The following TMEM135 variants were observed in gnomAD, a reference collection of about 807,000 sequenced individuals.
TMEM135 encodes the protein peroxisomal membrane protein 52.
TMEM135 carries 30 observed loss-of-function variants against 60.3 expected under a neutral mutation model. The ratio of observed to expected loss-of-function variants is 0.50; its 90% CI spans 0.37 to 0.68. The LOEUF (loss-of-function observed/expected upper bound fraction) is 0.68, where lower values mean the gene tolerates loss of function less well. TMEM135 is among the 30% of genes least tolerant of loss of function. The pLI, the probability that TMEM135 is intolerant of heterozygous loss-of-function variation, is 0.00. For missense variants in TMEM135, 468 were observed against 548.8 expected (o/e 0.85, Z 1.47); for synonymous variants, 190 against 186.7 (o/e 1.02, Z -0.14).
chr11:87,043,738 C>CAA (rs569467886), intron 1 of TMEM135, among the ~76,000 whole-genome samples: 15 of 151,206 alleles, frequency 9.9e-5, no homozygotes, highest in Admixed American at 6.6e-4. Flanking sequence ...AACAAACAAA[C>CAA]AAACAAAAAA....
intron 6 of TMEM135, among the ~76,000 whole-genome samples, chr11:87,260,945 TA>T (rs1189440144): frequency 6.6e-6 from 1 of 152,176 alleles, no homozygotes; most frequent in Non-Finnish European, 1.5e-5. Context: ...CAGGCGATGC[TA>T]GTTCTGGTCC....
chr11:87,209,166 A>C (rs1296725511), intron 5 of TMEM135, among the ~76,000 whole-genome samples: 2 of 152,206 alleles, frequency 1.3e-5, no homozygotes, highest in African/African-American at 4.8e-5. Context: ...CAACCAGCTA[A>C]CAGCACAATG....
intron 5 of TMEM135, among the ~76,000 whole-genome samples, chr11:87,226,004 A>G (rs1940757811): frequency 6.6e-6 from 1 of 152,096 alleles, no homozygotes; most frequent in East Asian, 1.9e-4. Flanking sequence ...ATCCATCTTT[A>G]AACTCTCCCA....
intron 6 of TMEM135, among the ~76,000 whole-genome samples, chr11:87,239,533 T>C (rs1158945972): frequency 6.6e-6 from 1 of 152,042 alleles, no homozygotes; most frequent in Non-Finnish European, 1.5e-5. Context: ...ACACATTTAT[T>C]TCATTTATTA....
intron 5 of TMEM135, among the ~76,000 whole-genome samples, chr11:87,231,722 G>T (rs1487230191): frequency 6.6e-6 from 1 of 151,918 alleles, no homozygotes; most frequent in Non-Finnish European, 1.5e-5. Context: ...AGCAGGCAAA[G>T]ACATTAAAAA....
intron 5 of TMEM135, among the ~76,000 whole-genome samples, chr11:87,184,075 AT>A (rs1419163939): frequency 7.9e-5 from 12 of 151,632 alleles, no homozygotes; most frequent in African/African-American, 1.7e-4. Context: ...TTTTTCAAGT[AT>A]TTTAGAATGT....
At chr11:87,067,016 G>A (rs1590992304) in intron 1 of TMEM135, among the ~76,000 whole-genome samples, 1 of 150,858 alleles carries the variant, frequency 6.6e-6, no homozygotes, top group East Asian at 1.9e-4. Context: ...TCCAGACCTT[G>A]TGATCTGCCC....
intron 4 of TMEM135, among the ~76,000 whole-genome samples, chr11:87,135,890 A>G (rs1402239284): frequency 6.6e-6 from 1 of 151,930 alleles, no homozygotes; most frequent in African/African-American, 2.4e-5. Context: ...TTCTGTATTT[A>G]TTTATGTTTT....
intron 5 of TMEM135, among the ~76,000 whole-genome samples, chr11:87,163,897 C>G (rs1938962078): frequency 1.4e-5 from 2 of 147,420 alleles, no homozygotes; most frequent in Non-Finnish European, 3.0e-5. Context: ...TTGTTTTTTT[C>G]TTGTAAATTT....
chr11:87,197,689 C>T (rs1448952930), intron 5 of TMEM135, among the ~76,000 whole-genome samples: 2 of 151,878 alleles, frequency 1.3e-5, no homozygotes, highest in Non-Finnish European at 2.9e-5. Flanking sequence ...TATGCGTTGG[C>T]ATGAGTCTAA....
chr11:87,174,645 G>A (rs1939323770), intron 5 of TMEM135, among the ~76,000 whole-genome samples: 1 of 152,094 alleles, frequency 6.6e-6, no homozygotes, highest in South Asian at 2.1e-4. Flanking sequence ...ATGGCCTAGG[G>A]AGTATTTATT....
intron 1 of TMEM135, among the ~76,000 whole-genome samples, chr11:87,056,470 A>T (rs1401719884): frequency 6.6e-6 from 1 of 152,168 alleles, no homozygotes; most frequent in African/African-American, 2.4e-5. Context: ...GTTAAATTTC[A>T]TGATTAGATT....
chr11:87,121,973 C>T, intron 4 of TMEM135, among the ~76,000 whole-genome samples: 1 of 152,042 alleles, frequency 6.6e-6, no homozygotes, highest in Non-Finnish European at 1.5e-5. Flanking sequence ...CATAGTAGGA[C>T]TAGATTTGAT....
intron 5 of TMEM135, among the ~76,000 whole-genome samples, chr11:87,209,803 A>T (rs1940319602): frequency 6.6e-6 from 1 of 152,192 alleles, no homozygotes; most frequent in African/African-American, 2.4e-5. Context: ...AATTCAAAAA[A>T]ATTGAAACAC....
At chr11:87,264,676 GC>G (rs1941717151) in intron 6 of TMEM135, among the ~76,000 whole-genome samples, 1 of 151,788 alleles carries the variant, frequency 6.6e-6, no homozygotes, top group Non-Finnish European at 1.5e-5. Flanking sequence ...TGTAGTTCCA[GC>G]CTTAAGCTCA....
At chr11:87,071,828 A>G (rs191686137) in intron 3 of TMEM135, among the ~76,000 whole-genome samples, 1 of 152,242 alleles carries the variant, frequency 6.6e-6, no homozygotes, top group East Asian at 1.9e-4. Flanking sequence ...TGGACATTAT[A>G]GAGCAGTAAT....
chr11:87,114,339 G>A (rs1190683629), intron 4 of TMEM135, among the ~76,000 whole-genome samples: 1 of 152,106 alleles, frequency 6.6e-6, no homozygotes, highest in Non-Finnish European at 1.5e-5. Flanking sequence ...CAAAAAAAAT[G>A]TAGATATCAT....
In TMEM135 at chr11:87,295,691, T is replaced by C. The variant is rs1942335447; in HGVS notation, c.510-91T>C. Reference sequence around the variant, plus strand: ...TCAGATTTTTGCCTTAAGAGTTTCATCTTTTAAAACATTATTTTCAGAAAA... The same window carrying C: ...TCAGATTTTTGCCTTAAGAGTTTCACCTTTTAAAACATTATTTTCAGAAAA... On this transcript the variant is annotated intron_variant, in intron 6 of 14. Transcript: ENST00000305494. 1.4e-5 allele frequency: 16 copies of C among 1,132,462 alleles called. 1 individual carries two copies. In the South Asian group the frequency reaches 2.0e-4, roughly 14 times the overall value. The allele number at this position is 1,132,462 out of a possible 1,614,324, so 70.2% of individuals were successfully genotyped here.
chr11:87,059,214 C>T (rs1238418746), intron 1 of TMEM135, among the ~76,000 whole-genome samples: 2 of 151,730 alleles, frequency 1.3e-5, no homozygotes, highest in African/African-American at 4.8e-5. Flanking sequence ...TGACGTCAGC[C>T]ACCGCGCCCA....
Sources: gnomAD v4.1 joint callset for allele counts (sites outside exome capture counted in the v4.1 genomes callset) on GRCh38, gnomAD v4.1.1 for gene constraint, MANE v1.5 for transcripts, NCBI Gene and HGNC (gene_info 2026-07-23, HGNC 2026-07-21) for gene names.